Variants in PKD1L3 observed in about 807,000 individuals in gnomAD.
The protein encoded by PKD1L3 is polycystin-1-like protein 3.
In PKD1L3, 239 loss-of-function variants were observed where a neutral mutation model predicts 184.1. The observed-to-expected ratio is 1.30, with a 90% confidence interval of 1.17 to 1.45. The LOEUF (loss-of-function observed/expected upper bound fraction) is 1.45, where lower values mean the gene tolerates loss of function less well. Ranked by LOEUF, PKD1L3 falls within the 40% of genes most tolerant of loss-of-function variation. The pLI, the probability that PKD1L3 is intolerant of heterozygous loss-of-function variation, is 0.00. For missense variants in PKD1L3, 2,660 were observed against 2,067.2 expected (o/e 1.29, Z -5.56); for synonymous variants, 996 against 778.8 (o/e 1.28, Z -4.64).
chr16:71,993,151 G>C, intron 3 of PKD1L3, 65 bp downstream of exon 3: 1 of 1,142,276 alleles, frequency 8.8e-7, no homozygotes. Flanking sequence ...ATTCAGTCTT[G>C]TGCATTCTTT....
In PKD1L3 at chr16:71,950,306, A is replaced by T. The variant is rs757537592; in HGVS notation, c.3195T>A (p.Val1065=). The T allele has an allele frequency of 3.3e-6, 5 of 1,516,804 alleles. No individual in the cohort carries two copies. In the African/African-American group the frequency reaches 5.6e-5, roughly 17 times the overall value. 94.0% of individuals were successfully genotyped at this position (1,516,804 alleles called of 1,614,324 possible). A position where few individuals can be genotyped will look rare whatever the true frequency, so the allele number is the denominator to read the frequency against. Residue 1065 remains valine, a synonymous_variant, in exon 20 of 30, where the codon GTT becomes GTA. Coordinates refer to ENST00000620267, the MANE Select transcript of PKD1L3 (RefSeq NM_181536.2). ...QQGERHWARV[V]PENHHHFCCY... The stretch of plus-strand genomic sequence containing the variant: ...AGCAGAAATGATGGTGGTTTTCAGG[A>T]ACAACTGAAAATATATTTCAAGTTG...
At chr16:71,960,227 TA>T (rs1567515897) in intron 16 of PKD1L3, among the ~76,000 whole-genome samples, 1 of 150,242 alleles carries the variant, frequency 6.7e-6, no homozygotes, top group Non-Finnish European at 1.5e-5. Context: ...GGAAAGTAGA[TA>T]AAGGAAAGAG....
chr16:71,946,007 G>A (rs1314557268), intron 22 of PKD1L3, among the ~76,000 whole-genome samples: 1 of 152,140 alleles, frequency 6.6e-6, no homozygotes, highest in Non-Finnish European at 1.5e-5. Context: ...CACCCAGGCT[G>A]GAGTACGATG....
chr16:71,967,845 C>G (rs1227725247), intron 14 of PKD1L3, 61 bp downstream of exon 14: 10 of 1,380,200 alleles, frequency 7.2e-6, no homozygotes, highest in African/African-American at 5.8e-5. Context: ...ATCACCAACT[C>G]AGAGTGTGTC....
At chr16:71,998,993 C>T (rs534239899) in intron 1 of PKD1L3, among the ~76,000 whole-genome samples, 16 of 152,122 alleles carry the variant, frequency 1.1e-4, no homozygotes, top group Admixed American at 5.2e-4. Context: ...TTGTAAGGGC[C>T]GGGCGCGGTG....
At chr16:71,999,225 G>C (rs1389809693) in intron 1 of PKD1L3, among the ~76,000 whole-genome samples, 2 of 150,508 alleles carry the variant, frequency 1.3e-5, no homozygotes, top group Non-Finnish European at 3.0e-5. Flanking sequence ...GAGCCAAGAT[G>C]GCACCACTGC....
chr16:71,941,904 C>T (rs1278191659), intron 24 of PKD1L3, among the ~76,000 whole-genome samples: 1 of 151,308 alleles, frequency 6.6e-6, no homozygotes, highest in Non-Finnish European at 1.5e-5. Context: ...TCTTTCATAA[C>T]TCAGAGGACA....
chr16:71,944,446 G>C (rs1010292984), intron 22 of PKD1L3, among the ~76,000 whole-genome samples: 1 of 152,116 alleles, frequency 6.6e-6, no homozygotes, highest in Non-Finnish European at 1.5e-5. Flanking sequence ...AGCACTTTGG[G>C]AGGCCAAGGC....
At chr16:71,964,548 C>G (rs1457562972) in intron 15 of PKD1L3, among the ~76,000 whole-genome samples, 1 of 151,340 alleles carries the variant, frequency 6.6e-6, no homozygotes, top group Non-Finnish European at 1.5e-5. Flanking sequence ...TGTGTTATAG[C>G]CAGGATGGTC....
intron 12 of PKD1L3, among the ~76,000 whole-genome samples, chr16:71,970,359 A>T (rs1246735385): frequency 6.6e-6 from 1 of 152,244 alleles, no homozygotes; most frequent in East Asian, 1.9e-4. Context: ...AACTGTGCAC[A>T]TGTGTATGAA....
At chr16:71,946,501 G>A (rs1344504972) in intron 22 of PKD1L3, among the ~76,000 whole-genome samples, 2 of 151,958 alleles carry the variant, frequency 1.3e-5, no homozygotes, top group East Asian at 3.9e-4. Context: ...TTTTGCCCAA[G>A]ATTGTGTTTG....
At chr16:71,937,558 T>C (rs1026528672) in intron 24 of PKD1L3, 139 bp from the exon 25 acceptor site, 12 of 938,738 alleles carry the variant, frequency 1.3e-5, no homozygotes, top group South Asian at 1.7e-5. Flanking sequence ...TAGTATTTCC[T>C]TTAGAGCTGT....
chr16:71,976,209 A>G (rs1353183367), intron 11 of PKD1L3, among the ~76,000 whole-genome samples: 1 of 149,266 alleles, frequency 6.7e-6, no homozygotes, highest in Non-Finnish European at 1.5e-5. Context: ...CTGCCTCCCA[A>G]AGTGCTAGGA....
At position 71,949,663 on chromosome 16, in the gene PKD1L3, A is replaced by G. The variant is rs1048464003; in HGVS notation, c.3618+120T>C. ...CCACTACACCCAGCCTGGTTTGCCTATTTGTTTTTTGTTGTTTATGTTACA... is the reference window on the plus strand; with the variant it reads ...CCACTACACCCAGCCTGGTTTGCCTGTTTGTTTTTTGTTGTTTATGTTACA... On this transcript the variant is annotated intron_variant, in intron 21 of 29. Transcript: ENST00000620267. 8.7e-5 allele frequency: 82 copies of G among 946,084 alleles called. 1 individual carries two copies. The Admixed American group carries it at 1.6e-3, about 18-fold the overall frequency. The allele number at this position is 946,084 out of a possible 1,614,324, so 58.6% of individuals were successfully genotyped here.
chr16:71,929,805 C>T lies in PKD1L3; in HGVS notation c.5059-127G>A, dbSNP rs1045508571. The T allele has an allele frequency of 6.5e-6, 7 of 1,083,234 alleles. No individual in the cohort carries two copies. The Admixed American group carries it at 1.8e-4, about 27-fold the overall frequency. 67.1% of individuals were successfully genotyped at this position (1,083,234 alleles called of 1,614,324 possible). A position where few individuals can be genotyped will look rare whatever the true frequency, so the allele number is the denominator to read the frequency against. On this transcript the variant is annotated intron_variant, in intron 29 of 29. Transcript: ENST00000620267. Reference sequence around the variant, plus strand: ...AAGATACTATTTCTTTAATAATTTGCAGTCAGGCATTGGAGTGTTTCCACT... The same window carrying T: ...AAGATACTATTTCTTTAATAATTTGTAGTCAGGCATTGGAGTGTTTCCACT...
At chr16:71,998,448 G>A in intron 1 of PKD1L3, 54 bp from the exon 2 acceptor site, 1 of 1,515,958 alleles carries the variant, frequency 6.6e-7, no homozygotes, top group Non-Finnish European at 8.8e-7. Context: ...AGGCTTTTAG[G>A]TTTATTTTTT....
At chr16:71,994,888 T>G (rs1567557351) in intron 2 of PKD1L3, among the ~76,000 whole-genome samples, 1 of 152,044 alleles carries the variant, frequency 6.6e-6, no homozygotes, top group African/African-American at 2.4e-5. Context: ...CTTGGGAGGC[T>G]GAGGCAGGAG....
At chr16:71,946,426 C>T (rs1464359341) in intron 22 of PKD1L3, among the ~76,000 whole-genome samples, 1 of 152,132 alleles carries the variant, frequency 6.6e-6, no homozygotes, top group Admixed American at 6.5e-5. Flanking sequence ...TATATAACCT[C>T]TTGTCAAGAC....
intron 6 of PKD1L3, among the ~76,000 whole-genome samples, chr16:71,983,154 C>CT (rs1478790366): frequency 6.6e-6 from 1 of 151,972 alleles, no homozygotes; most frequent in African/African-American, 2.4e-5. Context: ...AGTTTTTTGT[C>CT]TTTTTAATTT....
Sources: allele counts gnomAD v4.1 joint callset (sites outside exome capture counted in the v4.1 genomes callset), GRCh38; gene constraint gnomAD v4.1.1; transcripts MANE v1.5; gene names NCBI Gene and HGNC (gene_info 2026-07-23, HGNC 2026-07-21).